ERP44: variants seen among roughly 807,000 people sequenced by gnomAD.
The protein encoded by ERP44 is endoplasmic reticulum protein 44.
Under a neutral mutation model 53.4 loss-of-function variants are expected in ERP44, and 25 were observed. The observed-to-expected ratio is 0.47, with a 90% CI of 0.34 to 0.65. The LOEUF (loss-of-function observed/expected upper bound fraction) is 0.65, where lower values mean the gene tolerates loss of function less well. Among genes scored for constraint, ERP44 ranks in the 30% least tolerant of loss-of-function variants. The pLI is 0.01. For missense variants in ERP44, 338 were observed against 493.2 expected, an observed-to-expected ratio of 0.69 and a Z score of 2.98; for synonymous variants, 145 against 161.2, an observed-to-expected ratio of 0.90 and a Z score of 0.76.
intron 1 of ERP44, among the ~76,000 whole-genome samples, chr9:100,092,003 T>G (rs1826563113): frequency 6.6e-6 from 1 of 152,218 alleles, no homozygotes; most frequent in Non-Finnish European, 1.5e-5. Flanking sequence ...AATTACTAAT[T>G]TCTTGAAGGC....
At chr9:99,990,581 T>C (rs1007030541) in intron 10 of ERP44, among the ~76,000 whole-genome samples, 39 of 152,154 alleles carry the variant, frequency 2.6e-4, no homozygotes, top group African/African-American at 8.2e-4. Flanking sequence ...TAAAGACCAT[T>C]GATGCTAGGA....
At chr9:100,012,710 T>TA (rs928983050) in intron 8 of ERP44, among the ~76,000 whole-genome samples, 10 of 151,918 alleles carry the variant, frequency 6.6e-5, no homozygotes, top group African/African-American at 2.2e-4. Flanking sequence ...TTAAATCAGG[T>TA]AAAAAAAAGT....
chr9:100,081,151 A>T lies in ERP44; in HGVS notation c.57+17633T>A, dbSNP rs564335025. 7.2e-5 allele frequency among the ~76,000 whole-genome samples: 11 copies of T among 152,250 alleles called. No individual in the cohort carries two copies. In the East Asian group the frequency reaches 2.1e-3, roughly 29 times the overall value. On this transcript the variant is annotated intron_variant, in intron 1 of 11. Coordinates refer to ENST00000262455, the MANE Select transcript of ERP44 (RefSeq NM_015051.3). Reference sequence around the variant, plus strand: ...AGTTTTCATAGTAGGTCACAGAGTAAAACCCAACTCTATTCTGAAAACAAG... The same window carrying T: ...AGTTTTCATAGTAGGTCACAGAGTATAACCCAACTCTATTCTGAAAACAAG...
intron 1 of ERP44, among the ~76,000 whole-genome samples, chr9:100,061,595 G>T (rs1006614870): frequency 3.5e-5 from 5 of 143,248 alleles, no homozygotes; most frequent in Non-Finnish European, 7.5e-5. Flanking sequence ...TATATTTATA[G>T]AAATATATAT....
At chr9:100,093,881 T>C (rs893870456) in intron 1 of ERP44, among the ~76,000 whole-genome samples, 17 of 152,230 alleles carry the variant, frequency 1.1e-4, no homozygotes, top group Admixed American at 8.5e-4. Flanking sequence ...TTTGACATTA[T>C]ACCTTTTTAA....
intron 10 of ERP44, chr9:99,998,393 T>C (rs1830338079): frequency 4.8e-6 from 3 of 628,596 alleles, no homozygotes; most frequent in Admixed American, 2.7e-5. Context: ...TCCCGGATCA[T>C]ACAGCTGCAA....
chr9:100,039,771 C>A (rs1309398254), intron 4 of ERP44, among the ~76,000 whole-genome samples: 4 of 151,792 alleles, frequency 2.6e-5, no homozygotes, highest in Non-Finnish European at 1.5e-5. Context: ...ATTGACAAAC[C>A]TTTAGCCAGA....
In ERP44 at chr9:99,980,156, C is replaced by T; in HGVS notation, c.*2456G>A. 5.0e-6 allele frequency: 2 copies of T among 398,108 alleles called. No homozygotes were observed. Among genetic ancestry groups the T allele is most frequent in the Non-Finnish European group, 8.9e-6 (2 of 225,824 alleles). The allele number at this position is 398,108 out of a possible 1,614,324, so 24.7% of individuals were successfully genotyped here. On this transcript the variant is annotated 3_prime_UTR_variant, in exon 12 of 12. Transcript: ENST00000262455. ...GTCCTCAAATCTCTGCAATTGAGTGCTCCTTTATGCCCTCTTTAACCTTTA... is the reference window on the plus strand; with the variant it reads ...GTCCTCAAATCTCTGCAATTGAGTGTTCCTTTATGCCCTCTTTAACCTTTA...
chr9:99,990,213 A>C (rs970096098), intron 10 of ERP44, among the ~76,000 whole-genome samples: 1 of 152,318 alleles, frequency 6.6e-6, no homozygotes, highest in Non-Finnish European at 1.5e-5. Flanking sequence ...AAGACACATA[A>C]TTGTCAGATT....
intron 10 of ERP44, among the ~76,000 whole-genome samples, chr9:100,003,348 C>T (rs773609664): frequency 5.3e-5 from 8 of 152,180 alleles, no homozygotes; most frequent in Non-Finnish European, 8.8e-5. Flanking sequence ...GGTGATGTTA[C>T]GTTTATGTCT....
chr9:100,069,516 A>G (rs1040937880), intron 1 of ERP44, among the ~76,000 whole-genome samples: 1 of 152,136 alleles, frequency 6.6e-6, no homozygotes, highest in Admixed American at 6.5e-5. Flanking sequence ...AAATCACTTG[A>G]ACCCAGGAAA....
At chr9:99,994,330 A>G (rs11555502) in intron 10 of ERP44, among the ~76,000 whole-genome samples, 102,992 of 152,154 alleles carry the variant, frequency 0.68, 36,093 homozygotes, top group East Asian at 0.91. Flanking sequence ...CCACAAAAAA[A>G]GATGAGTTCA....
In ERP44 at chr9:100,082,504, C is replaced by G. The variant is rs947476434; in HGVS notation, c.57+16280G>C. The stretch of plus-strand genomic sequence containing the variant: ...GAGAAAAGACAGGCACTTCAATAAA[C>G]TGGTTTGGAACAACAGGCAGCCACC... On this transcript the variant is annotated intron_variant, in intron 1 of 11. Transcript: ENST00000262455. Among the ~76,000 whole-genome samples the G allele has an allele frequency of 9.2e-5, 14 of 152,024 alleles. No homozygotes were observed. The Middle Eastern group carries it at 0.01, about 112-fold the overall frequency.
Position 100,020,662 on chromosome 9 carries a change from C to T in ERP44, c.541G>A (p.Val181Ile). ...CAGTCATCATGCAAAATATTCGCTA[C>T]TCGTTCAAAAACTCTATAGTTGTCC... ...DSDNYRVFER[V>I]ANILHDDCAF... The change falls in exon 6 of 12, where the codon GTA becomes ATA. Residue 181 changes from valine to isoleucine, a missense_variant. Transcript: ENST00000262455. 6.2e-7 allele frequency: 1 copy of T among 1,611,068 alleles called. No homozygotes were observed. Among genetic ancestry groups the T allele is most frequent in the Non-Finnish European group, 8.5e-7 (1 of 1,177,674 alleles).
chr9:100,039,979 C>T (rs1825885072), intron 4 of ERP44, among the ~76,000 whole-genome samples: 1 of 151,834 alleles, frequency 6.6e-6, no homozygotes, highest in Non-Finnish European at 1.5e-5. Context: ...TGAAGAAATC[C>T]AAAACCTGAA....
intron 4 of ERP44, among the ~76,000 whole-genome samples, chr9:100,049,440 C>T (rs1281360489): frequency 6.6e-6 from 1 of 151,966 alleles, no homozygotes; most frequent in African/African-American, 2.4e-5. Context: ...ATAAACAATC[C>T]AATAAAAAAT....
intron 10 of ERP44, among the ~76,000 whole-genome samples, chr9:100,004,638 T>C (rs1233346800): frequency 6.6e-6 from 1 of 152,146 alleles, no homozygotes; most frequent in African/African-American, 2.4e-5. Context: ...TCTCTCTCCA[T>C]ACTGTGCTGC....
chr9:99,981,805 G>T lies in ERP44; in HGVS notation c.*807C>A, dbSNP rs1830151731. ...AATTTCTCTGCTAGTTCTTCTCTTT[G>T]GAAATTGAAGTCTCATAATAGGAGG... On this transcript the variant is annotated 3_prime_UTR_variant, in exon 12 of 12. Transcript: ENST00000262455. The T allele has an allele frequency of 6.6e-6, 1 of 152,146 alleles. No homozygotes were observed. Among genetic ancestry groups the T allele is most frequent in the Non-Finnish European group, 1.5e-5 (1 of 68,030 alleles). The allele number at this position is 152,146 out of a possible 1,614,324, so 9.4% of individuals were successfully genotyped here. A position where few individuals can be genotyped will look rare whatever the true frequency, so the allele number is the denominator to read the frequency against.
chr9:100,013,022 G>A (rs776147518), intron 8 of ERP44, among the ~76,000 whole-genome samples: 11 of 152,242 alleles, frequency 7.2e-5, no homozygotes, highest in South Asian at 6.2e-4. Flanking sequence ...CAAAGAGGGG[G>A]CAAAGAGCAT....
Sources: gnomAD v4.1 joint callset for allele counts (sites outside exome capture counted in the v4.1 genomes callset) on GRCh38, gnomAD v4.1.1 for gene constraint, MANE v1.5 for transcripts, NCBI Gene and HGNC (gene_info 2026-07-23, HGNC 2026-07-21) for gene names.